Variants in SEC24C observed in about 807,000 individuals in gnomAD.
SEC24C encodes the protein protein transport protein Sec24C.
Under a neutral mutation model 117.0 loss-of-function variants are expected in SEC24C, and 22 were observed. That is an observed-to-expected ratio of 0.19 (90% CI 0.13 to 0.27). SEC24C has a LOEUF of 0.27. Ranked by LOEUF, SEC24C falls within the 10% of genes least tolerant of loss-of-function variation. SEC24C has a pLI of 1.00. For synonymous variants in SEC24C, 506 were observed against 529.4 expected (o/e 0.96, Z 0.61); for missense variants, 1,155 against 1,375.1 (o/e 0.84, Z 2.53).
chr10:73,745,943 C>T (rs1200544371), intron 1 of SEC24C, among the ~76,000 whole-genome samples: 5 of 151,584 alleles, frequency 3.3e-5, no homozygotes, highest in Admixed American at 6.6e-5. Flanking sequence ...GGGTGGATCA[C>T]GAGGTCAGGA....
intron 6 of SEC24C, chr10:73,762,291 G>C (rs1466202710): frequency 1.7e-6 from 1 of 599,830 alleles, no homozygotes; most frequent in Non-Finnish European, 2.7e-6. Context: ...CTTTAGCCTA[G>C]CCCTTCTAGA....
intron 6 of SEC24C, 49 bp from the exon 7 acceptor site, chr10:73,763,441 T>C: frequency 7.6e-7 from 1 of 1,322,460 alleles, no homozygotes; most frequent in Non-Finnish European, 1.1e-6. Flanking sequence ...CTCTGGGACC[T>C]CACACTTCCT....
chr10:73,751,077 C>A, intron 2 of SEC24C, 31 bp from the exon 3 acceptor site: 1 of 1,598,704 alleles, frequency 6.3e-7, no homozygotes, highest in South Asian at 1.1e-5. Flanking sequence ...AGTTATTTCC[C>A]AATCACTTAG....
Position 73,771,393 on chromosome 10 carries a change from C to G in SEC24C, c.*298C>G, listed in dbSNP as rs1039924337. 3.4e-5 allele frequency: 11 copies of G among 324,696 alleles called. No homozygotes were observed. Among genetic ancestry groups the G allele is most frequent in the Non-Finnish European group, 6.3e-5 (11 of 174,120 alleles). 20.1% of individuals were successfully genotyped at this position (324,696 alleles called of 1,614,324 possible). A position where few individuals can be genotyped will look rare whatever the true frequency, so the allele number is the denominator to read the frequency against. ...ATTCGGTATTGGGGGTTTGGAGGCA[C>G]CCAGACCCTGGCAATATTATGTGTC... On this transcript the variant is annotated 3_prime_UTR_variant, in exon 23 of 23. Coordinates refer to ENST00000345254, the MANE Select transcript of SEC24C (RefSeq NM_198597.3).
At chr10:73,767,749 G>C in intron 14 of SEC24C, 88 bp from the exon 15 acceptor site, 1 of 1,014,562 alleles carries the variant, frequency 9.9e-7, no homozygotes, top group South Asian at 2.3e-5. Flanking sequence ...CCATGAATTT[G>C]AATATCCCAT....
In SEC24C at chr10:73,769,736, G is replaced by T; in HGVS notation, c.2682+3G>T. 1 of 1,614,000 alleles carries T rather than the reference G, an allele frequency of 6.2e-7. No homozygotes were observed. The highest frequency in any genetic ancestry group is 8.5e-7 in the Non-Finnish European group (1 of 1,179,854). ...CTAGCCCCTCCTCTGCAGGACAGGTGGGGCAAGTATATTAGTGGGAGGTGG... is the reference window on the plus strand; with the variant it reads ...CTAGCCCCTCCTCTGCAGGACAGGTTGGGCAAGTATATTAGTGGGAGGTGG... On this transcript the variant is annotated splice_donor_region_variant and intron_variant, in intron 19 of 22. Coordinates refer to ENST00000345254, the MANE Select transcript of SEC24C (RefSeq NM_198597.3). The surrounding 1 kb of genome is among the most constrained non-coding windows in gnomAD (Gnocchi z 4.5).
chr10:73,763,782 G>A, intron 7 of SEC24C, 74 bp from the exon 8 acceptor site: 1 of 1,489,286 alleles, frequency 6.7e-7, no homozygotes, highest in South Asian at 1.2e-5. Flanking sequence ...AGTTGATGGT[G>A]TGGATCACCA....
At chr10:73,764,441 G>A (rs558795977) in intron 8 of SEC24C, among the ~76,000 whole-genome samples, 1 of 151,478 alleles carries the variant, frequency 6.6e-6, no homozygotes, top group Non-Finnish European at 1.5e-5. Flanking sequence ...GGAGAATGGC[G>A]TGAACCCGGG....
At chr10:73,752,372 C>T (rs923745285) in intron 3 of SEC24C, among the ~76,000 whole-genome samples, 4 of 152,170 alleles carry the variant, frequency 2.6e-5, no homozygotes, top group African/African-American at 9.7e-5. Context: ...AATCTGCCCA[C>T]CTTGGCCTCC....
chr10:73,765,997 CT>C, intron 10 of SEC24C, 82 bp downstream of exon 10: 1 of 1,591,792 alleles, frequency 6.3e-7, no homozygotes, highest in Non-Finnish European at 8.6e-7. Context: ...TCCCTCACCC[CT>C]TTTTTGTCCC....
Position 73,767,831 on chromosome 10 carries a change from C to T in SEC24C, c.2011-6C>T, listed in dbSNP as rs749844508. On this transcript the variant is annotated splice_region_variant and splice_polypyrimidine_tract_variant and intron_variant, in intron 14 of 22. Coordinates refer to ENST00000345254, the MANE Select transcript of SEC24C (RefSeq NM_198597.3). ...ATTTTCTTCTCCCCATTTTCTTTCC[C>T]CCTAGACTCTGTTCCAGCCTCAGAC... 2 of 1,602,944 alleles carry T rather than the reference C, an allele frequency of 1.2e-6. No homozygotes were observed. The highest frequency in any genetic ancestry group is 2.2e-5 in the East Asian group (1 of 44,584).
Position 73,753,919 on chromosome 10 carries a change from G to T in SEC24C, c.308+2676G>T, listed in dbSNP as rs114543060. Among the ~76,000 whole-genome samples, 327 of 152,056 alleles carry T rather than the reference G, an allele frequency of 2.2e-3. 3 individuals are homozygous for T. The highest frequency in any genetic ancestry group is 7.6e-3 in the African/African-American group (315 of 41,460). ...GTGCCCCAGGACGGCTTTGAATGTG[G>T]TCCAACACAAATTCATAAACTTCCT... is the stretch of plus-strand genomic sequence containing the variant. On this transcript the variant is annotated intron_variant, in intron 3 of 22. Coordinates refer to ENST00000345254, the MANE Select transcript of SEC24C (RefSeq NM_198597.3).
At chr10:73,757,937 A>C (rs928850503) in intron 3 of SEC24C, among the ~76,000 whole-genome samples, 1 of 150,158 alleles carries the variant, frequency 6.7e-6, no homozygotes, top group South Asian at 2.1e-4. Flanking sequence ...AAAAAAAAAA[A>C]AAAAAAAAAA....
In SEC24C at chr10:73,772,106, GTTTA is replaced by G. The variant is rs1039863679; in HGVS notation, c.*1015_*1018del. The G allele has an allele frequency of 4.8e-6, 2 of 417,128 alleles. No homozygotes were observed. The highest frequency in any genetic ancestry group is 2.1e-5 in the African/African-American group (1 of 48,662). 25.8% of individuals were successfully genotyped at this position (417,128 alleles called of 1,614,324 possible). A position where few individuals can be genotyped will look rare whatever the true frequency, so the allele number is the denominator to read the frequency against. On this transcript the variant is annotated 3_prime_UTR_variant, in exon 23 of 23. Coordinates refer to ENST00000345254, the MANE Select transcript of SEC24C (RefSeq NM_198597.3). The stretch of plus-strand genomic sequence containing the variant: ...CTGGACCTCTCATTTCTCTTCATTG[GTTTA>G]TTTTTCAATGCATCTTTAATTTGTA...
chr10:73,754,566 A>G (rs1211497699), intron 3 of SEC24C, among the ~76,000 whole-genome samples: 1 of 152,172 alleles, frequency 6.6e-6, no homozygotes, highest in East Asian at 1.9e-4. Context: ...ACCTCCCCTG[A>G]CCAACAGATA....
rs1047054120 is a variant in SEC24C at position 73,760,567 on chromosome 10, A to T, written c.851-146A>T. On this transcript the variant is annotated intron_variant, in intron 5 of 22. Transcript: ENST00000345254. ...GACATTATTTTTTCTTGTCGTTCTG[A>T]TAACATGGTATTTTTCTGAATGTCT... is the stretch of plus-strand genomic sequence containing the variant. The T allele has an allele frequency of 8.7e-6, 10 of 1,152,488 alleles. No homozygotes were observed. The East Asian group carries it at 2.4e-4, about 28-fold the overall frequency. The allele number at this position is 1,152,488 out of a possible 1,614,324, so 71.4% of individuals were successfully genotyped here. A position where few individuals can be genotyped will look rare whatever the true frequency, so the allele number is the denominator to read the frequency against.
Position 73,746,785 on chromosome 10 carries a change from AT to A in SEC24C, c.-28-17del, listed in dbSNP as rs1368648480. 6.5e-7 allele frequency: 1 copy of A among 1,530,404 alleles called. No homozygotes were observed. Among genetic ancestry groups the A allele is most frequent in the Non-Finnish European group, 8.9e-7 (1 of 1,129,644 alleles). 94.8% of individuals were successfully genotyped at this position (1,530,404 alleles called of 1,614,324 possible). A position where few individuals can be genotyped will look rare whatever the true frequency, so the allele number is the denominator to read the frequency against. Reference sequence around the variant, plus strand: ...CTCTTTAGAAAGTTCATTTTGACTAATTTCTCCTCTCTCTCACAGGTGAGAT... The same window carrying A: ...CTCTTTAGAAAGTTCATTTTGACTAATTCTCCTCTCTCTCACAGGTGAGAT... On this transcript the variant is annotated intron_variant, in intron 1 of 22. Coordinates refer to ENST00000345254, the MANE Select transcript of SEC24C (RefSeq NM_198597.3).
At chr10:73,764,055 A>G (rs2082842161) in intron 8 of SEC24C, 72 bp downstream of exon 8, 4 of 1,485,470 alleles carry the variant, frequency 2.7e-6, no homozygotes, top group East Asian at 2.6e-5. Context: ...GTCTTCCTGG[A>G]TGTGATTCCA....
chr10:73,746,602 G>T, intron 1 of SEC24C: 1 of 437,708 alleles, frequency 2.3e-6, no homozygotes, highest in Non-Finnish European at 4.0e-6. Context: ...AGGGTGGATG[G>T]TCAGAATAAC....
Sources: gnomAD v4.1 joint callset for allele counts (sites outside exome capture counted in the v4.1 genomes callset) on GRCh38, gnomAD v4.1.1 for gene constraint, Gnocchi (gnomAD v3.1) non-coding constraint, MANE v1.5 for transcripts, NCBI Gene and HGNC (gene_info 2026-07-23, HGNC 2026-07-21) for gene names.